The following SRGAP3 variants were observed in gnomAD, a reference collection of about 807,000 sequenced individuals.
SRGAP3 encodes the protein SLIT-ROBO Rho GTPase-activating protein 3.
SRGAP3 carries 39 observed loss-of-function variants against 121.1 expected under a neutral mutation model. That is an observed-to-expected ratio of 0.32 (90% CI 0.25 to 0.42). SRGAP3 has a LOEUF of 0.42. SRGAP3 is among the 10% of genes least tolerant of loss of function. SRGAP3 has a pLI of 1.00. For missense variants in SRGAP3, 1,213 were observed against 1,470.6 expected (o/e 0.82, Z 2.86); for synonymous variants, 601 against 570.0 (o/e 1.05, Z -0.77).
At chr3:9,002,389 A>G (rs1431859758) in intron 18 of SRGAP3, among the ~76,000 whole-genome samples, 1 of 152,216 alleles carries the variant, frequency 6.6e-6, no homozygotes, top group East Asian at 1.9e-4. Context: ...TTTGAGATGA[A>G]TGAAAATGAA....
chr3:9,149,178 C>T (rs1347694410), intron 1 of SRGAP3, among the ~76,000 whole-genome samples: 1 of 146,722 alleles, frequency 6.8e-6, no homozygotes, highest in Non-Finnish European at 1.5e-5. Context: ...CGCGCCACTG[C>T]ACTCCAGCCC....
At chr3:9,269,353 G>T (rs2600161) in intron 3 of SRGAP3, among the ~76,000 whole-genome samples, 1 of 151,922 alleles carries the variant, frequency 6.6e-6, no homozygotes, top group Non-Finnish European at 1.5e-5. Flanking sequence ...CAAGAGAAGG[G>T]GTCCTTGTTC....
At chr3:9,281,319 T>C (rs1486792929) in intron 3 of SRGAP3, among the ~76,000 whole-genome samples, 1 of 152,108 alleles carries the variant, frequency 6.6e-6, no homozygotes, top group Admixed American at 6.6e-5. Context: ...CCGTGGTAGG[T>C]GAAACTCTCT....
intron 1 of SRGAP3, among the ~76,000 whole-genome samples, chr3:9,362,335 T>C (rs1259815931): frequency 6.6e-6 from 1 of 151,334 alleles, no homozygotes; most frequent in African/African-American, 2.4e-5. Context: ...AGCTAACTTT[T>C]GTATTTTTAG....
At chr3:9,176,730 G>A (rs956414398) in intron 1 of SRGAP3, among the ~76,000 whole-genome samples, 6 of 152,100 alleles carry the variant, frequency 3.9e-5, no homozygotes, top group Admixed American at 6.5e-5. Flanking sequence ...AGTGGGGGGC[G>A]GGGAGGAACC....
chr3:9,270,331 T>C (rs67762297), intron 3 of SRGAP3, among the ~76,000 whole-genome samples: 25,103 of 152,140 alleles, frequency 0.16, 3,033 homozygotes, highest in African/African-American at 0.33. Flanking sequence ...GAGTCAATCC[T>C]CTCTGCTTCC....
chr3:9,329,297 G>T lies in SRGAP3; in HGVS notation n.283+1231C>A, dbSNP rs112181263. On this transcript the variant is annotated intron_variant and non_coding_transcript_variant, in intron 2 of 3. Transcript: ENST00000490889. ...ACTGGTAAGAAATTCTTGCCCTTTT[G>T]CCGGCATGCCAGGCTTCTGGGTTTC... Among the ~76,000 whole-genome samples, 820 of 152,288 alleles carry T rather than the reference G, an allele frequency of 5.4e-3. 10 individuals carry two copies. Among genetic ancestry groups the T allele is most frequent in the African/African-American group, 0.019 (788 of 41,560 alleles).
chr3:9,065,208 T>A (rs1400246913), intron 4 of SRGAP3: 2 of 152,258 alleles, frequency 1.3e-5, no homozygotes, highest in Non-Finnish European at 2.9e-5. Context: ...AATAAATTCA[T>A]CCTTGCCTAT....
chr3:9,015,213 C>T (rs1158305882), intron 15 of SRGAP3, among the ~76,000 whole-genome samples: 1 of 147,084 alleles, frequency 6.8e-6, no homozygotes, highest in Non-Finnish European at 1.5e-5. Context: ...TTTTCCCCTT[C>T]CAACCTCTTG....
intron 1 of SRGAP3, among the ~76,000 whole-genome samples, chr3:9,152,680 G>T (rs942192967): frequency 6.6e-6 from 1 of 152,216 alleles, no homozygotes; most frequent in Non-Finnish European, 1.5e-5. Flanking sequence ...GCCGAACTTT[G>T]TTCTCAGTCC....
chr3:9,019,763 G>A (rs749329077), intron 14 of SRGAP3, among the ~76,000 whole-genome samples: 2 of 152,206 alleles, frequency 1.3e-5, no homozygotes, highest in Admixed American at 6.5e-5. Context: ...TACAGAGCAT[G>A]AGCCAGAGTT....
chr3:9,014,842 C>T (rs1943554014), intron 15 of SRGAP3: 1 of 152,154 alleles, frequency 6.6e-6, no homozygotes, highest in African/African-American at 2.4e-5. Flanking sequence ...GGCAACTTTT[C>T]TGTGAATCAA....
chr3:9,008,112 A>G (rs1181055439), intron 18 of SRGAP3: 1 of 152,174 alleles, frequency 6.6e-6, no homozygotes, highest in East Asian at 1.9e-4. Context: ...AAGAAGAAGG[A>G]TCATCTCGGA....
chr3:9,126,672 A>C (rs536435340), intron 1 of SRGAP3, among the ~76,000 whole-genome samples: 5 of 152,190 alleles, frequency 3.3e-5, no homozygotes, highest in Non-Finnish European at 7.4e-5. Context: ...TAAATAATGT[A>C]AAATGTTCAT....
At chr3:9,305,908 C>A (rs1156523000) in intron 3 of SRGAP3, among the ~76,000 whole-genome samples, 2 of 152,188 alleles carry the variant, frequency 1.3e-5, no homozygotes, top group African/African-American at 4.8e-5. Context: ...GATTTATAAT[C>A]CTTTGGGTAT....
At chr3:9,124,262 G>A (rs1949134975) in intron 2 of SRGAP3, among the ~76,000 whole-genome samples, 1 of 152,154 alleles carries the variant, frequency 6.6e-6, no homozygotes, top group South Asian at 2.1e-4. Flanking sequence ...GAAGAGGAAT[G>A]TTTGAGCATC....
chr3:9,254,774 C>T (rs548449253), intron 3 of SRGAP3, among the ~76,000 whole-genome samples: 11 of 149,104 alleles, frequency 7.4e-5, no homozygotes, highest in African/African-American at 2.7e-4. Context: ...TGCACTCCAG[C>T]CTGGGCAACA....
rs151007818 is a variant in SRGAP3, at chr3:9,312,901, G to A, written n.442+13109C>T. Among the ~76,000 whole-genome samples the A allele has an allele frequency of 2.0e-4, 31 of 152,212 alleles. No homozygotes were observed. The East Asian group carries it at 5.6e-3, about 27-fold the overall frequency. On this transcript the variant is annotated intron_variant and non_coding_transcript_variant, in intron 3 of 3. Transcript: ENST00000490889. ...TAGCTATTAAGGAGACTGAGGCAGG[G>A]GGATCACTTGAGCCCGGGAGTTCAA...
intron 1 of SRGAP3, among the ~76,000 whole-genome samples, chr3:9,338,727 C>T (rs978330884): frequency 3.3e-5 from 5 of 152,126 alleles, no homozygotes; most frequent in African/African-American, 9.7e-5. Flanking sequence ...AAGAAGTTAA[C>T]GAAAATAAGC....
Sources: allele counts gnomAD v4.1 joint callset (sites outside exome capture counted in the v4.1 genomes callset), GRCh38; gene constraint gnomAD v4.1.1; transcripts MANE v1.5; gene names NCBI Gene and HGNC (gene_info 2026-07-23, HGNC 2026-07-21).